The following SLAMF1 variants were observed in gnomAD, a reference collection of about 807,000 sequenced individuals.
The protein encoded by SLAMF1 is signaling lymphocytic activation molecule.
SLAMF1 carries 18 observed loss-of-function variants against 35.1 expected under a neutral mutation model. The observed-to-expected ratio is 0.51, with a 90% CI of 0.35 to 0.76. The LOEUF (loss-of-function observed/expected upper bound fraction) is 0.76. SLAMF1 is among the 30% of genes least tolerant of loss of function. The pLI is 0.01. For synonymous variants in SLAMF1, 168 were observed against 157.2 expected, an observed-to-expected ratio of 1.07 and a Z score of -0.51; for missense variants, 392 against 413.0, an observed-to-expected ratio of 0.95 and a Z score of 0.44.
At position 160,642,642 on chromosome 1, in the gene SLAMF1, G is replaced by T; in HGVS notation, c.76+4228C>A. Among the ~76,000 whole-genome samples the T allele has an allele frequency of 6.6e-6, 1 of 152,170 alleles. No homozygotes were observed. Among genetic ancestry groups the T allele is most frequent in the Non-Finnish European group, 1.5e-5 (1 of 68,022 alleles). The stretch of plus-strand genomic sequence containing the variant: ...TGGGATGAATGAAAAATGAGCAAAT[G>T]ACAACACAGAGTCCAAGTTCTCCTC... On this transcript the variant is annotated intron_variant, in intron 1 of 6. Transcript: ENST00000302035. The surrounding 1 kb of genome is among the most constrained non-coding windows in gnomAD (Gnocchi z 4.2).
In SLAMF1 at chr1:160,635,603, G is replaced by A. The variant is rs542236889; in HGVS notation, c.416-706C>T. Among the ~76,000 whole-genome samples, 18 of 141,500 alleles carry A rather than the reference G, an allele frequency of 1.3e-4. No individual in the cohort carries two copies. The East Asian group carries it at 3.0e-3, about 24-fold the overall frequency. The allele number at this position is 141,500 out of a possible 152,430, so 92.8% of individuals were successfully genotyped here. On this transcript the variant is annotated intron_variant, in intron 2 of 6. Coordinates refer to ENST00000302035, the MANE Select transcript of SLAMF1 (RefSeq NM_003037.5). ...TTTTTTTTTTTTGAGACAGAGTCTC[G>A]CTCTGTCACCTAAGCTGGAGTGCAG...
At chr1:160,612,647 T>C (rs757813099) in intron 5 of SLAMF1, 67 bp from the exon 6 acceptor site, 24 of 953,186 alleles carry the variant, frequency 2.5e-5, no homozygotes, top group Admixed American at 5.8e-5. Context: ...AACTCTCCGA[T>C]AGAGAAGCAC....
chr1:160,619,544 GCTT>G (rs1355433773), intron 5 of SLAMF1, among the ~76,000 whole-genome samples: 1 of 152,164 alleles, frequency 6.6e-6, no homozygotes, highest in Non-Finnish European at 1.5e-5. Context: ...TGTATTTCCA[GCTT>G]CTTCATTTTT....
intron 1 of SLAMF1, among the ~76,000 whole-genome samples, chr1:160,639,920 T>G (rs1660651196): frequency 6.6e-6 from 1 of 152,106 alleles, no homozygotes; most frequent in Non-Finnish European, 1.5e-5. Context: ...AACATTCCTG[T>G]CTCAGAACTT....
chr1:160,637,172 G>C lies in SLAMF1; in HGVS notation c.415+19C>G. The C allele has an allele frequency of 1.3e-6, 2 of 1,590,954 alleles. No individual in the cohort carries two copies. Among genetic ancestry groups the C allele is most frequent in the Non-Finnish European group, 1.7e-6 (2 of 1,159,062 alleles). ...CACCTTGGCCCTTTAGTGTGGACTG[G>C]GGAAGCCGCCATTATTACCATAAAG... is the stretch of plus-strand genomic sequence containing the variant. On this transcript the variant is annotated intron_variant, in intron 2 of 6. Transcript: ENST00000302035.
intron 4 of SLAMF1, among the ~76,000 whole-genome samples, chr1:160,621,960 G>A (rs903789582): frequency 6.6e-6 from 1 of 151,936 alleles, no homozygotes; most frequent in Non-Finnish European, 1.5e-5. Context: ...ACGAGTGTTT[G>A]CAAAGTAAGA....
chr1:160,637,103 T>C (rs77790763), intron 2 of SLAMF1, 88 bp downstream of exon 2: 7 of 808,146 alleles, frequency 8.7e-6, no homozygotes, highest in African/African-American at 1.7e-5. Flanking sequence ...CAATTCTGAA[T>C]ACCCTTTGCT....
intron 6 of SLAMF1, among the ~76,000 whole-genome samples, chr1:160,611,696 A>C (rs1187338130): frequency 6.6e-6 from 1 of 152,240 alleles, no homozygotes; most frequent in Admixed American, 6.5e-5. Context: ...CTGATCTTGC[A>C]ATAGGGTAGA....
intron 1 of SLAMF1, among the ~76,000 whole-genome samples, chr1:160,644,224 G>T (rs996274594): frequency 6.6e-6 from 1 of 151,790 alleles, no homozygotes; most frequent in African/African-American, 2.4e-5. Flanking sequence ...TTTTACCATG[G>T]GACCTGGATA....
intron 4 of SLAMF1, 99 bp from the exon 5 acceptor site, chr1:160,619,948 C>G (rs779009681): frequency 1.3e-6 from 1 of 795,486 alleles, no homozygotes; most frequent in Admixed American, 1.9e-5. Context: ...CCCACTTTCC[C>G]CAAGGGCACA....
intron 3 of SLAMF1, among the ~76,000 whole-genome samples, chr1:160,631,444 G>C (rs1660160677): frequency 6.6e-6 from 1 of 152,094 alleles, no homozygotes; most frequent in Non-Finnish European, 1.5e-5. Context: ...GTAAAACTGA[G>C]GTCATTAGGG....
chr1:160,622,507 C>T (rs542070181), intron 4 of SLAMF1, among the ~76,000 whole-genome samples: 3 of 152,158 alleles, frequency 2.0e-5, no homozygotes, highest in Non-Finnish European at 4.4e-5. Context: ...CTTCTCCTGG[C>T]CATAGCACTT....
At chr1:160,637,669 A>T (rs1660529974) in intron 1 of SLAMF1, 140 bp from the exon 2 acceptor site, 1 of 620,270 alleles carries the variant, frequency 1.6e-6, no homozygotes, top group African/African-American at 1.8e-5. Context: ...TTCGTGGTCT[A>T]TAAGAACTGC....
At chr1:160,635,358 C>T (rs908735731) in intron 2 of SLAMF1, among the ~76,000 whole-genome samples, 16 of 152,022 alleles carry the variant, frequency 1.1e-4, no homozygotes, top group Non-Finnish European at 2.1e-4. Flanking sequence ...TGCGCGCGCG[C>T]GCATGTACAC....
chr1:160,615,872 G>C (rs1659274410), intron 5 of SLAMF1: 1 of 175,226 alleles, frequency 5.7e-6, no homozygotes, highest in Admixed American at 6.2e-5. Flanking sequence ...GCCACGGAGA[G>C]CCTGGAGCCA....
chr1:160,644,313 G>A (rs1393500428), intron 1 of SLAMF1, among the ~76,000 whole-genome samples: 3 of 152,202 alleles, frequency 2.0e-5, no homozygotes, highest in Non-Finnish European at 2.9e-5. Context: ...TCTGGAGTCA[G>A]GCAGCTATGT....
In SLAMF1 at chr1:160,622,469, G is replaced by A. The variant is rs150451936; in HGVS notation, c.790+1627C>T. ...TTAAAATATTTTCAATCTGTTCTAG[G>A]TATTGTTTCCAGATGCTTCCAGTGC... On this transcript the variant is annotated intron_variant, in intron 4 of 6. Coordinates refer to ENST00000302035, the MANE Select transcript of SLAMF1 (RefSeq NM_003037.5). Among the ~76,000 whole-genome samples, 120 of 152,224 alleles carry A rather than the reference G, an allele frequency of 7.9e-4. 1 individual carries two copies. In the East Asian group the frequency reaches 0.02, roughly 26 times the overall value.
chr1:160,643,751 C>G (rs781389700), intron 1 of SLAMF1, among the ~76,000 whole-genome samples: 3 of 152,162 alleles, frequency 2.0e-5, no homozygotes, highest in Non-Finnish European at 2.9e-5. Flanking sequence ...TTTCTCTTTT[C>G]TTTATGCTAA....
intron 5 of SLAMF1, among the ~76,000 whole-genome samples, chr1:160,612,936 C>T (rs1158485591): frequency 2.6e-5 from 4 of 152,168 alleles, no homozygotes; most frequent in Non-Finnish European, 5.9e-5. Flanking sequence ...TTTAGTCCGT[C>T]TCACTCATAT....
Sources: allele counts gnomAD v4.1 joint callset (sites outside exome capture counted in the v4.1 genomes callset), GRCh38; gene constraint gnomAD v4.1.1; non-coding constraint Gnocchi (gnomAD v3.1); transcripts MANE v1.5; gene names NCBI Gene and HGNC (gene_info 2026-07-23, HGNC 2026-07-21).